The following MBP variants were observed in gnomAD, a reference collection of about 807,000 sequenced individuals.
MBP encodes myelin basic protein, also known as Golli-MBP.
In MBP, 16 loss-of-function variants were observed where a neutral mutation model predicts 35.8. The ratio of observed to expected loss-of-function variants is 0.45; its 90% CI spans 0.30 to 0.68. The LOEUF is 0.68. MBP is among the 30% of genes least tolerant of loss of function. The probability of loss-of-function intolerance (pLI) is 0.08; values close to 1 mark genes in which losing one functional copy is unlikely to be tolerated. For missense variants in MBP, 380 were observed against 404.7 expected, an observed-to-expected ratio of 0.94 and a Z score of 0.52; for synonymous variants, 143 against 159.6, an observed-to-expected ratio of 0.90 and a Z score of 0.78.
intron 1 of MBP, chr18:77,115,253 C>A (rs964087174): frequency 6.6e-6 from 1 of 152,222 alleles, no homozygotes; most frequent in Admixed American, 6.5e-5. Context: ...ACAGCCAGAG[C>A]TGGTGTTAAC....
At chr18:76,996,777 T>C (rs998942139) in intron 4 of MBP, among the ~76,000 whole-genome samples, 1 of 152,146 alleles carries the variant, frequency 6.6e-6, no homozygotes, top group African/African-American at 2.4e-5. Flanking sequence ...GTGTCCTTAT[T>C]ATGGCGCTAG....
chr18:77,035,213 A>C (rs1972710242), intron 3 of MBP, among the ~76,000 whole-genome samples: 1 of 152,150 alleles, frequency 6.6e-6, no homozygotes, highest in Non-Finnish European at 1.5e-5. Context: ...ACTCATTCTA[A>C]GCTGGTGATC....
At chr18:77,068,734 G>A (rs1054025189) in intron 2 of MBP, among the ~76,000 whole-genome samples, 1 of 152,202 alleles carries the variant, frequency 6.6e-6, no homozygotes, top group Admixed American at 6.5e-5. Flanking sequence ...AATAAGCAAT[G>A]AAATGCAGAG....
chr18:77,116,305 G>A (rs893802883), intron 1 of MBP, among the ~76,000 whole-genome samples: 1 of 152,220 alleles, frequency 6.6e-6, no homozygotes, highest in African/African-American at 2.4e-5. Flanking sequence ...ATCTCCTAAA[G>A]GGCCCCATGT....
chr18:77,107,938 T>C (rs1421048567), intron 1 of MBP, among the ~76,000 whole-genome samples: 1 of 152,174 alleles, frequency 6.6e-6, no homozygotes, highest in Non-Finnish European at 1.5e-5. Context: ...GCAAAATTTA[T>C]ATACTAGCAG....
intron 3 of MBP, among the ~76,000 whole-genome samples, chr18:77,029,461 GGGGAGA>G (rs1972458408): frequency 1.5e-5 from 2 of 130,244 alleles, no homozygotes; most frequent in Admixed American, 7.6e-5. Context: ...GGAGGGGGAG[GGGGAGA>G]GGGACCCCAG....
intron 3 of MBP, among the ~76,000 whole-genome samples, chr18:77,031,364 C>G (rs907939888): frequency 3.9e-5 from 6 of 152,242 alleles, no homozygotes; most frequent in Admixed American, 2.6e-4. Context: ...GTGTGGGCCA[C>G]CACCTGCCCT....
In MBP at chr18:77,101,478, TG is replaced by T. The variant is rs1976005527; in HGVS notation, c.51+3732del. Among the ~76,000 whole-genome samples, 1 of 152,182 alleles carries T rather than the reference TG, an allele frequency of 6.6e-6. No individual in the cohort carries two copies. The highest frequency in any genetic ancestry group is 2.4e-5 in the African/African-American group (1 of 41,450). On this transcript the variant is annotated intron_variant, in intron 2 of 8. Coordinates refer to ENST00000355994, the MANE Select transcript of MBP (RefSeq NM_001025101.2). The surrounding 1 kb of genome is among the most constrained non-coding windows in gnomAD (Gnocchi z 4.3). ...TGGAGGAAGTTACACTCCATCCGCA[TG>T]AGTGAATCATGAGTCAGGAGGGCAG...
chr18:77,069,566 G>A (rs1466809013), intron 2 of MBP, among the ~76,000 whole-genome samples: 6 of 152,092 alleles, frequency 3.9e-5, no homozygotes, highest in Admixed American at 2.6e-4. Flanking sequence ...CCTTCTCACC[G>A]GAGAGTAGAA....
chr18:77,051,507 G>C (rs1487879685), intron 3 of MBP, among the ~76,000 whole-genome samples: 1 of 152,152 alleles, frequency 6.6e-6, no homozygotes, highest in Non-Finnish European at 1.5e-5. Flanking sequence ...GGGCTCCTCC[G>C]GGGAGGGTGA....
intron 8 of MBP, chr18:76,981,960 C>CT (rs1969229307): frequency 6.6e-6 from 1 of 152,252 alleles, no homozygotes; most frequent in South Asian, 2.1e-4. Context: ...AGTAAGTTCC[C>CT]TGCAGCCTCT....
chr18:77,092,447 C>T (rs964640814), intron 2 of MBP, among the ~76,000 whole-genome samples: 2 of 152,212 alleles, frequency 1.3e-5, no homozygotes, highest in Admixed American at 1.3e-4. Context: ...CTCAGCACCG[C>T]GCTCTCCAGA....
At chr18:77,003,697 G>A (rs2051344) in intron 4 of MBP, 1 of 152,032 alleles carries the variant, frequency 6.6e-6, no homozygotes, top group Non-Finnish European at 1.5e-5. Flanking sequence ...ATCGTAAAAT[G>A]TAGTTCTAGA....
At chr18:77,089,759 A>G (rs546746768) in intron 2 of MBP, among the ~76,000 whole-genome samples, 2 of 152,334 alleles carry the variant, frequency 1.3e-5, no homozygotes, top group Admixed American at 1.3e-4. Flanking sequence ...TTGGTCTGAC[A>G]GCAAAAATAC....
chr18:77,084,911 C>T (rs141117414), intron 2 of MBP, among the ~76,000 whole-genome samples: 1 of 151,728 alleles, frequency 6.6e-6, no homozygotes, highest in African/African-American at 2.4e-5. Flanking sequence ...GCTCCATCAG[C>T]TGGTTAAGTA....
chr18:76,999,353 G>C (rs1970507593), intron 4 of MBP, among the ~76,000 whole-genome samples: 2 of 152,136 alleles, frequency 1.3e-5, no homozygotes, highest in Admixed American at 1.3e-4. Flanking sequence ...GAAGCTCTGA[G>C]CTGCGGCCCC....
intron 7 of MBP, chr18:76,986,723 C>T (rs1969578559): frequency 1.0e-6 from 1 of 985,520 alleles, no homozygotes; most frequent in Non-Finnish European, 1.2e-6. Context: ...CCTGGCTCTA[C>T]ATGGCAGAAA....
intron 3 of MBP, among the ~76,000 whole-genome samples, chr18:77,056,138 C>T (rs1421498320): frequency 6.7e-6 from 1 of 149,500 alleles, no homozygotes; most frequent in African/African-American, 2.4e-5. Context: ...TGACCCCGTG[C>T]GCCCGGGGCT....
rs1969073228 is a variant in MBP, at chr18:76,979,761, C to T, written c.*666G>A. 1 of 584,696 alleles carries T rather than the reference C, an allele frequency of 1.7e-6. No homozygotes were observed. The allele number at this position is 584,696 out of a possible 1,614,324, so 36.2% of individuals were successfully genotyped here. A position where few individuals can be genotyped will look rare whatever the true frequency, so the allele number is the denominator to read the frequency against. On this transcript the variant is annotated 3_prime_UTR_variant, in exon 9 of 9. Coordinates refer to ENST00000355994, the MANE Select transcript of MBP (RefSeq NM_001025101.2). ...CTCCTTTTCCTCCCTCTGCCACACG[C>T]GAATTCAGCTAATTGGGGTGTGTGG...
Sources: allele counts gnomAD v4.1 joint callset (sites outside exome capture counted in the v4.1 genomes callset), GRCh38; gene constraint gnomAD v4.1.1; non-coding constraint Gnocchi (gnomAD v3.1); transcripts MANE v1.5; gene names NCBI Gene and HGNC (gene_info 2026-07-23, HGNC 2026-07-21).